Variants in ATP6V1H observed in about 807,000 individuals in gnomAD.
The protein encoded by ATP6V1H is V-type proton ATPase subunit H.
In ATP6V1H, 39 loss-of-function variants were observed where a neutral mutation model predicts 71.7. The ratio of observed to expected loss-of-function variants is 0.54; its 90% CI spans 0.42 to 0.71. The LOEUF is 0.71. Among genes scored for constraint, ATP6V1H ranks in the 30% least tolerant of loss-of-function variants. ATP6V1H has a pLI of 0.00. For missense variants in ATP6V1H, 509 were observed against 594.9 expected, an observed-to-expected ratio of 0.86 and a Z score of 1.50; for synonymous variants, 192 against 199.3, an observed-to-expected ratio of 0.96 and a Z score of 0.31.
At chr8:53,839,652 A>T (rs1403379173) in intron 2 of ATP6V1H, 32 of 985,296 alleles carry the variant, frequency 3.2e-5, no homozygotes, top group Non-Finnish European at 3.6e-5. Context: ...GAACAATTCA[A>T]TCAAGAGGCA....
chr8:53,838,475 T>A (rs754814567), intron 2 of ATP6V1H, among the ~76,000 whole-genome samples: 1 of 152,216 alleles, frequency 6.6e-6, no homozygotes, highest in Non-Finnish European at 1.5e-5. Flanking sequence ...CCAGCATTTA[T>A]TTGCTCCCAC....
intron 12 of ATP6V1H, chr8:53,756,245 CTT>C (rs201116200): frequency 1.1e-3 from 146 of 130,280 alleles, no homozygotes; most frequent in East Asian, 6.1e-3. Context: ...TAATTTTTTT[CTT>C]TTTTTTTTTT....
chr8:53,791,569 G>A (rs1218497229), intron 9 of ATP6V1H, among the ~76,000 whole-genome samples: 1 of 152,212 alleles, frequency 6.6e-6, no homozygotes, highest in East Asian at 1.9e-4. Context: ...ACAAACTACT[G>A]ATGATTCCAG....
intron 13 of ATP6V1H, among the ~76,000 whole-genome samples, chr8:53,728,977 A>G (rs143175755): frequency 1.3e-5 from 2 of 152,372 alleles, no homozygotes; most frequent in East Asian, 3.9e-4. Flanking sequence ...AGGACTGGAC[A>G]CAAAACAAAT....
intron 8 of ATP6V1H, among the ~76,000 whole-genome samples, chr8:53,800,442 A>T (rs528546477): frequency 1.3e-5 from 2 of 152,340 alleles, no homozygotes; most frequent in African/African-American, 4.8e-5. Context: ...AGAAGATGAA[A>T]ACAAAGAGAT....
intron 12 of ATP6V1H, among the ~76,000 whole-genome samples, chr8:53,746,511 C>T (rs906820152): frequency 6.6e-6 from 1 of 152,074 alleles, no homozygotes; most frequent in South Asian, 2.1e-4. Flanking sequence ...GTAATCCACC[C>T]GCCTCAGCCT....
Position 53,765,454 on chromosome 8 carries a change from AACACACACAC to A in ATP6V1H, c.1175+4154_1175+4163del, listed in dbSNP as rs59822523. On this transcript the variant is annotated intron_variant, in intron 11 of 13. Transcript: ENST00000359530. ...GAGGGTGGTGGACAACAACAACAAC[AACACACACAC>A]ACACACACACACACACACACACACA... is the stretch of plus-strand genomic sequence containing the variant. 4.0e-3 allele frequency among the ~76,000 whole-genome samples: 296 copies of A among 74,120 alleles called. 5 individuals are homozygous for A. The highest frequency in any genetic ancestry group is 0.016 in the South Asian group (38 of 2,306). 48.6% of individuals were successfully genotyped at this position (74,120 alleles called of 152,430 possible).
intron 13 of ATP6V1H, among the ~76,000 whole-genome samples, chr8:53,736,652 T>A (rs1464001257): frequency 6.7e-6 from 1 of 149,862 alleles, no homozygotes; most frequent in Non-Finnish European, 1.5e-5. Flanking sequence ...GCTTAGTTCA[T>A]CAGAAAACCT....
rs577828905 is a variant in ATP6V1H at position 53,805,514 on chromosome 8, A to G, written c.580-3618T>C. 3.1e-4 allele frequency among the ~76,000 whole-genome samples: 47 copies of G among 152,308 alleles called. No homozygotes were observed. In the Middle Eastern group the frequency reaches 0.014, roughly 44 times the overall value. On this transcript the variant is annotated intron_variant, in intron 7 of 13. Coordinates refer to ENST00000359530, the MANE Select transcript of ATP6V1H (RefSeq NM_015941.4). ...TATAGACACTTAGAAAACACAGGAC[A>G]ATATCAAGTGTCAGTAAAGAACTGA...
At chr8:53,797,453 C>G (rs1025729986) in intron 8 of ATP6V1H, among the ~76,000 whole-genome samples, 3 of 152,204 alleles carry the variant, frequency 2.0e-5, no homozygotes, top group Non-Finnish European at 4.4e-5. Flanking sequence ...GCTCCCCTCC[C>G]CAGAGTCCTG....
intron 12 of ATP6V1H, among the ~76,000 whole-genome samples, chr8:53,755,342 C>T (rs950221903): frequency 6.6e-6 from 1 of 151,926 alleles, no homozygotes; most frequent in African/African-American, 2.4e-5. Flanking sequence ...TTAATTGTAT[C>T]CAGGTATTTG....
intron 7 of ATP6V1H, among the ~76,000 whole-genome samples, chr8:53,802,967 T>C (rs1486005067): frequency 6.6e-6 from 1 of 152,200 alleles, no homozygotes; most frequent in African/African-American, 2.4e-5. Context: ...AGCCCCTTCA[T>C]TTTACCAAAG....
At chr8:53,782,909 A>G (rs1239863122) in intron 9 of ATP6V1H, among the ~76,000 whole-genome samples, 3 of 151,704 alleles carry the variant, frequency 2.0e-5, no homozygotes, top group South Asian at 2.1e-4. Context: ...ATCATGGTGG[A>G]TAAGCTTTTT....
intron 4 of ATP6V1H, among the ~76,000 whole-genome samples, chr8:53,818,340 T>C (rs982576186): frequency 1.3e-5 from 2 of 152,208 alleles, no homozygotes; most frequent in African/African-American, 2.4e-5. Flanking sequence ...TAGTGGTGAT[T>C]TGTGGGTCAT....
intron 7 of ATP6V1H, among the ~76,000 whole-genome samples, chr8:53,803,193 C>CTTGCT (rs1383510937): frequency 1.3e-4 from 19 of 151,992 alleles, no homozygotes; most frequent in Admixed American, 1.2e-3. Flanking sequence ...AAAAATTAGC[C>CTTGCT]AGGTGTGGTG....
rs749063634 is a variant in ATP6V1H at position 53,771,386 on chromosome 8, CAA to C, written c.1049+601_1049+602del. On this transcript the variant is annotated intron_variant, in intron 10 of 13. Transcript: ENST00000359530. The stretch of plus-strand genomic sequence containing the variant: ...TATTATGTACGAAACAGAAAAAGAA[CAA>C]GATCCAAAAGAATATGCAGAGCCCA... Among the ~76,000 whole-genome samples, 14 of 152,042 alleles carry C rather than the reference CAA, an allele frequency of 9.2e-5. 1 individual carries two copies. The South Asian group carries it at 1.7e-3, about 18-fold the overall frequency.
chr8:53,725,600 T>G lies in ATP6V1H; in HGVS notation c.1392-9576A>C, dbSNP rs149727227. 2.2e-3 allele frequency among the ~76,000 whole-genome samples: 327 copies of G among 149,462 alleles called. 2 individuals are homozygous for G. The highest frequency in any genetic ancestry group is 7.9e-3 in the African/African-American group (317 of 40,362). On this transcript the variant is annotated intron_variant, in intron 13 of 13. Transcript: ENST00000359530. ...CACAAAGATGAGTGGAAAGGCAGAT[T>G]GTGATATCAGGCCAGAACCAACAAA...
chr8:53,753,057 C>CT (rs1410177330), intron 12 of ATP6V1H, among the ~76,000 whole-genome samples: 2 of 149,852 alleles, frequency 1.3e-5, no homozygotes, highest in African/African-American at 2.4e-5. Flanking sequence ...AACAACAACC[C>CT]TATAACCATG....
At chr8:53,779,151 A>T (rs1253440381) in intron 9 of ATP6V1H, among the ~76,000 whole-genome samples, 2 of 152,196 alleles carry the variant, frequency 1.3e-5, no homozygotes, top group Non-Finnish European at 2.9e-5. Context: ...AAACAAAAAA[A>T]TCAGTACATA....
Sources: gnomAD v4.1 joint callset for allele counts (sites outside exome capture counted in the v4.1 genomes callset) on GRCh38, gnomAD v4.1.1 for gene constraint, MANE v1.5 for transcripts, NCBI Gene and HGNC (gene_info 2026-07-23, HGNC 2026-07-21) for gene names.